DOCK4: variants seen among roughly 807,000 people sequenced by gnomAD.
DOCK4 encodes dedicator of cytokinesis protein 4.
In DOCK4, 97 loss-of-function variants were observed where a neutral mutation model predicts 268.1. That is an observed-to-expected ratio of 0.36 (90% CI 0.31 to 0.43). The LOEUF is 0.43. DOCK4 is among the 20% of genes least tolerant of loss of function. The pLI, the probability that DOCK4 is intolerant of heterozygous loss-of-function variation, is 1.00. For missense variants in DOCK4, 2,145 were observed against 2,455.7 expected, an observed-to-expected ratio of 0.87 and a Z score of 2.67; for synonymous variants, 954 against 887.2, an observed-to-expected ratio of 1.08 and a Z score of -1.34.
At chr7:111,842,977 T>C (rs1231027204) in intron 25 of DOCK4, among the ~76,000 whole-genome samples, 1 of 152,218 alleles carries the variant, frequency 6.6e-6, no homozygotes, top group Non-Finnish European at 1.5e-5. Flanking sequence ...TCCAGAGCTT[T>C]ATAATATAGA....
At chr7:112,189,580 T>A (rs1017498982) in intron 1 of DOCK4, among the ~76,000 whole-genome samples, 1 of 152,130 alleles carries the variant, frequency 6.6e-6, no homozygotes, top group South Asian at 2.1e-4. Context: ...AACATGTACA[T>A]TTTCACTATA....
At chr7:111,842,128 C>G (rs1203082811) in intron 25 of DOCK4, among the ~76,000 whole-genome samples, 1 of 152,154 alleles carries the variant, frequency 6.6e-6, no homozygotes, top group Non-Finnish European at 1.5e-5. Flanking sequence ...TCCCCTATTC[C>G]TCCTGCTAAG....
chr7:112,145,109 AC>A (rs1263674707), intron 1 of DOCK4, among the ~76,000 whole-genome samples: 1 of 152,170 alleles, frequency 6.6e-6, no homozygotes. Context: ...CAAGGCAGGG[AC>A]CGGACACCTT....
chr7:112,034,503 T>C (rs1250086547), intron 1 of DOCK4, among the ~76,000 whole-genome samples: 2 of 152,208 alleles, frequency 1.3e-5, no homozygotes, highest in Non-Finnish European at 2.9e-5. Context: ...GACTAGACTC[T>C]TGTATGTACG....
intron 8 of DOCK4, among the ~76,000 whole-genome samples, chr7:111,956,453 A>C (rs1796457269): frequency 6.6e-6 from 1 of 152,192 alleles, no homozygotes; most frequent in Non-Finnish European, 1.5e-5. Flanking sequence ...CTGTGAAAGG[A>C]AAATAAAAAC....
intron 10 of DOCK4, among the ~76,000 whole-genome samples, chr7:111,944,154 T>C (rs997748349): frequency 6.6e-5 from 10 of 152,212 alleles, no homozygotes; most frequent in Non-Finnish European, 1.3e-4. Context: ...ACTGAGCAAG[T>C]TCATCACAGA....
chr7:112,072,994 G>A (rs1044586563), intron 1 of DOCK4, among the ~76,000 whole-genome samples: 5 of 152,144 alleles, frequency 3.3e-5, no homozygotes, highest in Non-Finnish European at 5.9e-5. Context: ...GGAAGAATCA[G>A]GGGAGAAGGG....
intron 1 of DOCK4, among the ~76,000 whole-genome samples, chr7:112,195,405 TTC>T (rs2116831535): frequency 6.6e-6 from 1 of 152,346 alleles, no homozygotes; most frequent in South Asian, 2.1e-4. Flanking sequence ...CAGAGGTTTC[TTC>T]TCTCTTCATT....
chr7:112,068,986 C>A (rs576207314), intron 1 of DOCK4, among the ~76,000 whole-genome samples: 2 of 152,308 alleles, frequency 1.3e-5, no homozygotes, highest in African/African-American at 4.8e-5. Context: ...GAATTTCCAA[C>A]TTCTATCTCT....
rs200679757 is a variant in DOCK4 at position 112,004,109 on chromosome 7, G to A, written c.60C>T (p.Thr20=). ...TTTCCAATGACAGGCCATATGGAAC[G>A]GTTCCTCGGAAACTGGCAATAACTG... is the stretch of plus-strand genomic sequence containing the variant. ...YGVVIASFRG[T]VPYGLSLEIG... is the part of the protein sequence containing the mutation. Residue 20 remains threonine (T), a synonymous_variant, in exon 2 of 53, where the codon ACC becomes ACT. Coordinates refer to ENST00000428084, the MANE Select transcript of DOCK4 (RefSeq NM_001363540.2). 2.2e-4 allele frequency: 350 copies of A among 1,596,858 alleles called. No individual in the cohort carries two copies. In the African/African-American group the frequency reaches 3.7e-3, roughly 17 times the overall value.
intron 3 of DOCK4, among the ~76,000 whole-genome samples, chr7:112,000,270 G>A (rs1800315034): frequency 6.6e-6 from 1 of 152,006 alleles, no homozygotes; most frequent in African/African-American, 2.4e-5. Context: ...GCTTATTAAG[G>A]TCTTCTCAGT....
rs1289634649 is a variant in DOCK4 at position 111,728,037 on chromosome 7, T to C, written c.*237A>G. On this transcript the variant is annotated 3_prime_UTR_variant, in exon 53 of 53. Coordinates refer to ENST00000428084, the MANE Select transcript of DOCK4 (RefSeq NM_001363540.2). ...TACAAAAGGAGTCTTTATCACTATT[T>C]ACCACTTCCAAATGAGAAACGTTTT... The C allele has an allele frequency of 7.5e-6, 3 of 397,740 alleles. No individual in the cohort carries two copies. Among genetic ancestry groups the C allele is most frequent in the East Asian group, 3.6e-5 (1 of 27,558 alleles). 24.6% of individuals were successfully genotyped at this position (397,740 alleles called of 1,614,324 possible). A position where few individuals can be genotyped will look rare whatever the true frequency, so the allele number is the denominator to read the frequency against.
chr7:112,050,172 T>C (rs1805216876), intron 1 of DOCK4, among the ~76,000 whole-genome samples: 1 of 152,162 alleles, frequency 6.6e-6, no homozygotes, highest in Non-Finnish European at 1.5e-5. Context: ...GCAGCACAAA[T>C]AAAATCTGGC....
chr7:112,181,969 C>T (rs1819086595), intron 1 of DOCK4, among the ~76,000 whole-genome samples: 1 of 152,202 alleles, frequency 6.6e-6, no homozygotes, highest in Non-Finnish European at 1.5e-5. Flanking sequence ...CCTCAACAAT[C>T]ACCATATCAC....
At chr7:111,939,939 T>C (rs568033553) in intron 11 of DOCK4, among the ~76,000 whole-genome samples, 171 bp downstream of exon 11, 4 of 152,308 alleles carry the variant, frequency 2.6e-5, no homozygotes, top group African/African-American at 9.6e-5. Flanking sequence ...GACTGGCAAA[T>C]TGTGGCTTGT....
At chr7:111,971,681 T>A in intron 8 of DOCK4, 1 of 278,284 alleles carries the variant, frequency 3.6e-6, no homozygotes, top group South Asian at 5.8e-5. Flanking sequence ...CAACAGCCTC[T>A]TCTCTTGCTT....
chr7:112,033,125 A>G (rs1803432274), intron 1 of DOCK4, among the ~76,000 whole-genome samples: 2 of 152,196 alleles, frequency 1.3e-5, no homozygotes, highest in Admixed American at 1.3e-4. Context: ...TATTTCTGAA[A>G]AGCTCAATAT....
At chr7:112,038,902 C>T (rs1415772013) in intron 1 of DOCK4, among the ~76,000 whole-genome samples, 2 of 152,156 alleles carry the variant, frequency 1.3e-5, no homozygotes, top group Non-Finnish European at 2.9e-5. Flanking sequence ...ACATATTAGA[C>T]CAATGTCGCT....
At chr7:112,027,339 C>T (rs1586672459) in intron 1 of DOCK4, among the ~76,000 whole-genome samples, 1 of 152,254 alleles carries the variant, frequency 6.6e-6, no homozygotes, top group Non-Finnish European at 1.5e-5. Context: ...ATTCTCCCGC[C>T]TCAGCCTCCC....
Sources: gnomAD v4.1 joint callset for allele counts (sites outside exome capture counted in the v4.1 genomes callset) on GRCh38, gnomAD v4.1.1 for gene constraint, MANE v1.5 for transcripts, NCBI Gene and HGNC (gene_info 2026-07-23, HGNC 2026-07-21) for gene names.